Variants in FREM2 observed in about 807,000 individuals in gnomAD.
FREM2 encodes the protein FRAS1-related extracellular matrix protein 2.
A neutral mutation model predicts 219.9 loss-of-function variants in FREM2; 119 were observed. The observed-to-expected ratio is 0.54, with a 90% CI of 0.47 to 0.63. The LOEUF is 0.63. Ranked by LOEUF, FREM2 falls within the 30% of genes least tolerant of loss-of-function variation. FREM2 has a pLI of 0.00. For missense variants in FREM2, 4,030 were observed against 3,993.6 expected (o/e 1.01, Z -0.25); for synonymous variants, 1,562 against 1,522.8 (o/e 1.03, Z -0.60).
intron 6 of FREM2, among the ~76,000 whole-genome samples, chr13:38,798,466 G>A (rs556472179): frequency 2.0e-4 from 31 of 152,078 alleles, no homozygotes; most frequent in African/African-American, 7.2e-4. Context: ...TGAAATCAGG[G>A]TAATACTGTC....
chr13:38,878,415 A>ATG, intron 22 of FREM2, 94 bp downstream of exon 22: 4 of 648,868 alleles, frequency 6.2e-6, no homozygotes, highest in Non-Finnish European at 7.7e-6. Context: ...CACAGTGGCC[A>ATG]CACTATAGTC....
chr13:38,822,485 AT>A (rs1876105101), intron 6 of FREM2, among the ~76,000 whole-genome samples: 1 of 151,818 alleles, frequency 6.6e-6, no homozygotes, highest in Non-Finnish European at 1.5e-5. Flanking sequence ...AGATGATCCT[AT>A]AAATACAAGA....
intron 7 of FREM2, 77 bp downstream of exon 7, chr13:38,846,799 A>G: frequency 6.7e-7 from 1 of 1,490,804 alleles, no homozygotes; most frequent in Non-Finnish European, 9.4e-7. Context: ...TTTAAAGCTG[A>G]AATACTTCAC....
At chr13:38,848,769 G>A in intron 8 of FREM2, 99 bp downstream of exon 8, 3 of 1,078,784 alleles carry the variant, frequency 2.8e-6, no homozygotes, top group Non-Finnish European at 4.1e-6. Context: ...ATATTTGTTT[G>A]TTTGCTAGGG....
chr13:38,716,105 C>G (rs1257009463), intron 2 of FREM2, among the ~76,000 whole-genome samples: 1 of 151,872 alleles, frequency 6.6e-6, no homozygotes, highest in Non-Finnish European at 1.5e-5. Context: ...TCTTCCCCTT[C>G]CATGTCCTGT....
intron 2 of FREM2, among the ~76,000 whole-genome samples, chr13:38,728,774 G>A (rs1871642004): frequency 6.6e-6 from 1 of 152,148 alleles, no homozygotes; most frequent in Non-Finnish European, 1.5e-5. Flanking sequence ...ATTGCATGAA[G>A]TAAGAATTTC....
intron 6 of FREM2, among the ~76,000 whole-genome samples, chr13:38,836,709 T>A (rs1876723542): frequency 6.6e-6 from 1 of 152,168 alleles, no homozygotes; most frequent in Non-Finnish European, 1.5e-5. Flanking sequence ...CAATTTCTCC[T>A]AGATTTTCTA....
At chr13:38,781,726 G>GCC (rs1403316954) in intron 4 of FREM2, among the ~76,000 whole-genome samples, 14 of 152,158 alleles carry the variant, frequency 9.2e-5, no homozygotes, top group African/African-American at 3.4e-4. Flanking sequence ...AATTTAAAAA[G>GCC]AATTGAATCA....
chr13:38,688,036 G>T lies in FREM2; in HGVS notation c.692G>T (p.Gly231Val). ...GGCTTGGGCGCGCTGCCTCGCTATG[G>T]AGAACTCCTCCACTACCCGCAGGTC... ...LSGLGALPRY[G>V]ELLHYPQVPG... Residue 231 changes from glycine to valine, a missense_variant, in exon 1 of 24, where the codon GGA becomes GTA. Physicochemically the swap from Gly to Val is moderately radical, Grantham distance 109 (BLOSUM62 -3). Around this residue, in one of 2 missense-constraint regions of FREM2, gnomAD observed 3,102 missense variants for 2,950.7 expected, o/e 1.05. Coordinates refer to ENST00000280481, the MANE Select transcript of FREM2 (RefSeq NM_207361.6). The T allele has an allele frequency of 6.2e-7, 1 of 1,609,890 alleles. No homozygotes were observed. The highest frequency in any genetic ancestry group is 8.5e-7 in the Non-Finnish European group (1 of 1,176,920).
chr13:38,786,372 T>C (rs1341364908), intron 6 of FREM2, among the ~76,000 whole-genome samples: 1 of 152,222 alleles, frequency 6.6e-6, no homozygotes, highest in African/African-American at 2.4e-5. Flanking sequence ...AAAGTCTTGA[T>C]TCTACCTTAA....
rs7995863 is a variant in FREM2, at chr13:38,878,663, C to T, written c.8860-168C>T. Among the ~76,000 whole-genome samples the T allele has an allele frequency of 0.27, 41,574 of 151,702 alleles. 7,074 individuals carry two copies. The highest frequency in any genetic ancestry group is 0.48 in the African/African-American group (19,969 of 41,398). ...TAGCCTGGGTGACAGAGAAGGTCCC[C>T]GTCTCTTAAAAAAAATAGAAAAACC... On this transcript the variant is annotated intron_variant, in intron 22 of 23. Transcript: ENST00000280481.
At chr13:38,871,299 A>T (rs1036827069) in intron 16 of FREM2, among the ~76,000 whole-genome samples, 1 of 152,180 alleles carries the variant, frequency 6.6e-6, no homozygotes, top group Non-Finnish European at 1.5e-5. Context: ...TATAGTTCTC[A>T]TGATTTAAAT....
At position 38,806,973 on chromosome 13, in the gene FREM2, C is replaced by T. The variant is rs569576056; in HGVS notation, c.6019+22165C>T. Among the ~76,000 whole-genome samples the T allele has an allele frequency of 1.3e-4, 19 of 151,300 alleles. No individual in the cohort carries two copies. In the South Asian group the frequency reaches 3.1e-3, roughly 25 times the overall value. On this transcript the variant is annotated intron_variant, in intron 6 of 23. Transcript: ENST00000280481. ...TTCTTTCCTTATTCATTAGAAGCAA[C>T]TTCTCATCCACTCAGGTTTTATGAT...
In FREM2 at chr13:38,859,466, C is replaced by A; in HGVS notation, c.7395C>A (p.Val2465=). ...FDTFFTSSKM[V]TLDSIYFQPG... ...CCTTTTTTACGTCATCCAAGATGGT[C>A]ACACTGGACTCCATATACTTTCAGC... Residue 2465 remains valine (V), a synonymous_variant, in exon 14 of 24, where the codon GTC becomes GTA. Transcript: ENST00000280481. The A allele has an allele frequency of 6.2e-7, 1 of 1,614,078 alleles. No homozygotes were observed. Among genetic ancestry groups the A allele is most frequent in the South Asian group, 1.1e-5 (1 of 91,072 alleles).
rs762624720 is a variant in FREM2, at chr13:38,688,936, A to T, written c.1592A>T (p.Asn531Ile). ...HDDRDGSLSD[N>I]LVLRMVDGGG... ...GACAGAGACGGCTCGCTGAGCGACA[A>T]CCTGGTGCTTCGCATGGTGGATGGA... The change falls in exon 1 of 24, where the codon AAC (asparagine) becomes ATC (isoleucine). Residue 531 changes from asparagine (N) to isoleucine (I), a missense_variant. Asn to Ile is a moderately radical substitution (Grantham distance 149). Coordinates refer to ENST00000280481, the MANE Select transcript of FREM2 (RefSeq NM_207361.6). 6.2e-7 allele frequency: 1 copy of T among 1,613,086 alleles called. No individual in the cohort carries two copies.
intron 4 of FREM2, among the ~76,000 whole-genome samples, chr13:38,770,255 G>T (rs1228924598): frequency 6.7e-6 from 1 of 150,182 alleles, no homozygotes; most frequent in African/African-American, 2.4e-5. Flanking sequence ...ACACGGTCTT[G>T]CTATGCTGCC....
intron 6 of FREM2, among the ~76,000 whole-genome samples, chr13:38,804,252 A>G (rs1345857158): frequency 6.6e-6 from 1 of 151,874 alleles, no homozygotes; most frequent in African/African-American, 2.4e-5. Context: ...TCAGTTGATG[A>G]TTAGCAAGTG....
intron 21 of FREM2, among the ~76,000 whole-genome samples, chr13:38,877,490 T>C (rs75661237): frequency 0.023 from 3,450 of 152,238 alleles, 132 homozygotes; most frequent in African/African-American, 0.078. Context: ...GGAACAAGTC[T>C]AGATGATTTT....
chr13:38,830,153 C>A (rs898204967), intron 6 of FREM2, among the ~76,000 whole-genome samples: 1 of 152,032 alleles, frequency 6.6e-6, no homozygotes, highest in Non-Finnish European at 1.5e-5. Context: ...AGAAATATAT[C>A]ATACAAGAGT....
Sources: gnomAD v4.1 joint callset for allele counts (sites outside exome capture counted in the v4.1 genomes callset) on GRCh38, gnomAD v4.1.1 for gene constraint, gnomAD v4.1.1 regional missense constraint, MANE v1.5 for transcripts, NCBI Gene and HGNC (gene_info 2026-07-23, HGNC 2026-07-21) for gene names.